Variants in AKAP10 observed in about 807,000 individuals in gnomAD.
AKAP10 encodes A-kinase anchoring protein 10.
AKAP10 carries 24 observed loss-of-function variants against 80.8 expected under a neutral mutation model. That is an observed-to-expected ratio of 0.30 (90% CI 0.22 to 0.42). The LOEUF is 0.42. AKAP10 is among the 10% of genes least tolerant of loss of function. The pLI, the probability that AKAP10 is intolerant of heterozygous loss-of-function variation, is 1.00. For synonymous variants in AKAP10, 291 were observed against 277.7 expected, an observed-to-expected ratio of 1.05 and a Z score of -0.48; for missense variants, 661 against 794.9, an observed-to-expected ratio of 0.83 and a Z score of 2.03.
intron 8 of AKAP10, 64 bp from the exon 9 acceptor site, chr17:19,936,494 C>A: frequency 6.8e-7 from 1 of 1,473,864 alleles, no homozygotes; most frequent in South Asian, 1.3e-5. Flanking sequence ...ACTTTCAGCA[C>A]CTCCTCCAGA....
chr17:19,918,239 A>G (rs903055062), intron 12 of AKAP10, among the ~76,000 whole-genome samples: 11 of 151,352 alleles, frequency 7.3e-5, no homozygotes, highest in East Asian at 2.0e-4. Flanking sequence ...AAAAAAAAAA[A>G]AAAGAAAATA....
At position 19,924,483 on chromosome 17, in the gene AKAP10, T is replaced by C. The variant is rs1432386694; in HGVS notation, c.1676A>G (p.Lys559Arg). The change falls in exon 11 of 15, where the codon AAA becomes AGA. Residue 559 changes from lysine to arginine, a missense_variant. Transcript: ENST00000225737. ...CACAATTATCGCTTCATCAAAATTT[T>C]TCAGTATTTTAATACTGGCTTTTTT... ...SVKKASIKIL[K>R]NFDEAIIVDA... is the part of the protein sequence containing the mutation. 1 of 1,607,346 alleles carries C rather than the reference T, an allele frequency of 6.2e-7. No homozygotes were observed. Among genetic ancestry groups the C allele is most frequent in the Admixed American group, 1.7e-5 (1 of 59,282 alleles).
In AKAP10 at chr17:19,909,251, A is replaced by G. The variant is rs2042664874; in HGVS notation, c.1913T>C (p.Ile638Thr). The G allele has an allele frequency of 1.2e-6, 2 of 1,613,432 alleles. No individual in the cohort carries two copies. Among genetic ancestry groups the G allele is most frequent in the Admixed American group, 1.7e-5 (1 of 59,914 alleles). The stretch of plus-strand genomic sequence containing the variant: ...AATGTCACTGACTATCATTTTAGCA[A>G]TCTTCCAAGCTAGCTCTTCCTGGGC... ...DEAQEELAWKIAKMIVSDIMQ... is the reference protein window; with the variant it reads ...DEAQEELAWKTAKMIVSDIMQ... The change falls in exon 14 of 15, where the codon ATT becomes ACT. Residue 638 changes from isoleucine to threonine, a missense_variant. Transcript: ENST00000225737.
chr17:19,915,315 A>G (rs1199392119), intron 12 of AKAP10, among the ~76,000 whole-genome samples: 1 of 152,246 alleles, frequency 6.6e-6, no homozygotes, highest in Non-Finnish European at 1.5e-5. Context: ...TAACACAACC[A>G]GGAAAGTACA....
At chr17:19,957,811 T>C (rs1168464559) in intron 4 of AKAP10, among the ~76,000 whole-genome samples, 1 of 138,280 alleles carries the variant, frequency 7.2e-6, no homozygotes, top group Non-Finnish European at 1.6e-5. Context: ...GATAACACAC[T>C]TCTTAGAAGG....
chr17:19,929,186 T>C (rs998612626), intron 10 of AKAP10, among the ~76,000 whole-genome samples: 1 of 152,102 alleles, frequency 6.6e-6, no homozygotes, highest in African/African-American at 2.4e-5. Context: ...AAAAGTAGAC[T>C]AGTGGCTGCC....
intron 14 of AKAP10, among the ~76,000 whole-genome samples, chr17:19,908,011 C>T (rs913997852): frequency 4.6e-5 from 7 of 151,942 alleles, no homozygotes; most frequent in African/African-American, 1.2e-4. Flanking sequence ...TCACAGGTGC[C>T]GGCCACCATG....
Position 19,940,982 on chromosome 17 carries a change from G to A in AKAP10, c.1090C>T (p.His364Tyr), listed in dbSNP as rs756212792. 2 of 1,608,690 alleles carry A rather than the reference G, an allele frequency of 1.2e-6. No individual in the cohort carries two copies. The highest frequency in any genetic ancestry group is 2.2e-5 in the South Asian group (2 of 89,890). The change falls in exon 7 of 15, where the codon CAT becomes TAT. Residue 364 changes from histidine to tyrosine, a missense_variant. His to Tyr is a moderately conservative substitution (Grantham distance 83, BLOSUM62 2). Coordinates refer to ENST00000225737, the MANE Select transcript of AKAP10 (RefSeq NM_007202.4). ...EHFSEFLRSH[H>Y]FCKYQIEVLT... ...ACTTCAATCTGGTATTTACAGAAATGGTGACTTCGCAGAAACTCACTAAAG... is the reference window on the plus strand; with the variant it reads ...ACTTCAATCTGGTATTTACAGAAATAGTGACTTCGCAGAAACTCACTAAAG...
At chr17:19,926,957 C>T (rs1377519375) in intron 10 of AKAP10, among the ~76,000 whole-genome samples, 4 of 152,004 alleles carry the variant, frequency 2.6e-5, no homozygotes, top group African/African-American at 7.3e-5. Context: ...ACTGTCTCTA[C>T]TAAAAATGCA....
chr17:19,916,739 C>G (rs1009753841), intron 12 of AKAP10, among the ~76,000 whole-genome samples: 1 of 150,436 alleles, frequency 6.6e-6, no homozygotes, highest in Non-Finnish European at 1.5e-5. Flanking sequence ...AGATCGAGAC[C>G]ATCCTGGCTA....
At chr17:19,936,860 A>T (rs2152413824) in intron 8 of AKAP10, among the ~76,000 whole-genome samples, 1 of 152,336 alleles carries the variant, frequency 6.6e-6, no homozygotes, top group East Asian at 1.9e-4. Flanking sequence ...ATAAAATAAG[A>T]ACACATCATC....
chr17:19,933,040 C>T (rs968243456), intron 9 of AKAP10, among the ~76,000 whole-genome samples: 2 of 151,772 alleles, frequency 1.3e-5, no homozygotes, highest in Non-Finnish European at 2.9e-5. Flanking sequence ...TTTTTTGAGA[C>T]GTATTTTCGC....
intron 11 of AKAP10, among the ~76,000 whole-genome samples, chr17:19,921,127 C>G (rs1195152686): frequency 1.3e-5 from 2 of 150,986 alleles, no homozygotes; most frequent in Non-Finnish European, 2.9e-5. Context: ...AACTCAATCT[C>G]ATTAGCAAAC....
intron 1 of AKAP10, among the ~76,000 whole-genome samples, chr17:19,969,578 G>T (rs2043468404): frequency 1.3e-5 from 2 of 151,396 alleles, no homozygotes; most frequent in South Asian, 2.1e-4. Context: ...CCAGGAAAAG[G>T]TTATCAAAAT....
At chr17:19,934,689 C>A (rs1251776286) in intron 9 of AKAP10, among the ~76,000 whole-genome samples, 3 of 152,128 alleles carry the variant, frequency 2.0e-5, no homozygotes, top group Non-Finnish European at 4.4e-5. Flanking sequence ...ATTATCGTCA[C>A]TTTACAGATA....
At chr17:19,919,041 A>G (rs1032007444) in intron 12 of AKAP10, among the ~76,000 whole-genome samples, 16 of 143,862 alleles carry the variant, frequency 1.1e-4, no homozygotes, top group African/African-American at 4.0e-4. Flanking sequence ...CTCGTCATTT[A>G]TATTAGGTAT....
At chr17:19,909,308 G>T (rs1357578743) in intron 13 of AKAP10, 32 bp from the exon 14 acceptor site, 2 of 1,574,418 alleles carry the variant, frequency 1.3e-6, no homozygotes, top group Non-Finnish European at 1.7e-6. Flanking sequence ...GGTGATAATG[G>T]TTATTCATTA....
intron 9 of AKAP10, among the ~76,000 whole-genome samples, chr17:19,932,788 C>T (rs1273574832): frequency 6.6e-6 from 1 of 151,698 alleles, no homozygotes; most frequent in African/African-American, 2.4e-5. Context: ...TATCTGTTTC[C>T]ACATTGTTTT....
chr17:19,972,362 G>A (rs1883977549), intron 1 of AKAP10, among the ~76,000 whole-genome samples: 1 of 152,084 alleles, frequency 6.6e-6, no homozygotes, highest in Non-Finnish European at 1.5e-5. Context: ...CTTATTACTT[G>A]CAGAAATTCC....
Sources: allele counts gnomAD v4.1 joint callset (sites outside exome capture counted in the v4.1 genomes callset), GRCh38; gene constraint gnomAD v4.1.1; transcripts MANE v1.5; gene names NCBI Gene and HGNC (gene_info 2026-07-23, HGNC 2026-07-21).